The following NRIP3 variants were observed in gnomAD, a reference collection of about 807,000 sequenced individuals.
NRIP3 encodes the protein nuclear receptor-interacting protein 3.
Under a neutral mutation model 29.0 loss-of-function variants are expected in NRIP3, and 31 were observed. The ratio of observed to expected loss-of-function variants is 1.07; its 90% CI spans 0.80 to 1.44. NRIP3 has a LOEUF of 1.44. Among genes scored for constraint, NRIP3 ranks in the 40% most tolerant of loss-of-function variants. The pLI is 0.00. For missense variants in NRIP3, 314 were observed against 297.9 expected, an observed-to-expected ratio of 1.05 and a Z score of -0.40; for synonymous variants, 131 against 118.3, an observed-to-expected ratio of 1.11 and a Z score of -0.70.
chr11:8,996,751 G>A (rs574273542), intron 1 of NRIP3, among the ~76,000 whole-genome samples: 9 of 152,296 alleles, frequency 5.9e-5, no homozygotes, highest in African/African-American at 2.2e-4. Context: ...GGGCCGTCCT[G>A]TCTTTCAAGA....
chr11:8,990,498 A>G (rs1854581409), intron 1 of NRIP3, among the ~76,000 whole-genome samples: 2 of 152,218 alleles, frequency 1.3e-5, no homozygotes, highest in East Asian at 1.9e-4. Context: ...TAAAATAAAA[A>G]GCAAAGGCCA....
In NRIP3 at chr11:8,982,576, T is replaced by C. The variant is rs778066686; in HGVS notation, c.*969A>G. ...TCAACGTCTGACAGTGACACTCTGA[T>C]TTACTTAAGCCTTCAATTCCATATC... On this transcript the variant is annotated 3_prime_UTR_variant, in exon 7 of 7. Coordinates refer to ENST00000309166, the MANE Select transcript of NRIP3 (RefSeq NM_020645.3). 8.1e-5 allele frequency: 13 copies of C among 160,848 alleles called. No individual in the cohort carries two copies. The highest frequency in any genetic ancestry group is 1.6e-4 in the Non-Finnish European group (12 of 74,138). The allele number at this position is 160,848 out of a possible 1,614,324, so 10.0% of individuals were successfully genotyped here. A position where few individuals can be genotyped will look rare whatever the true frequency, so the allele number is the denominator to read the frequency against.
intron 6 of NRIP3, 119 bp from the exon 7 acceptor site, chr11:8,983,679 C>T: frequency 1.0e-6 from 1 of 982,116 alleles, no homozygotes; most frequent in Non-Finnish European, 1.6e-6. Context: ...TGTGGCATCA[C>T]CATTGCTCAT....
chr11:8,984,181 T>TG, intron 4 of NRIP3, 57 bp from the exon 5 acceptor site: 3 of 1,186,486 alleles, frequency 2.5e-6, no homozygotes, highest in Non-Finnish European at 3.8e-6. Context: ...GCTTAGAAGT[T>TG]GGCCTAATCA....
At chr11:8,997,900 A>T (rs896944038) in intron 1 of NRIP3, among the ~76,000 whole-genome samples, 1 of 152,230 alleles carries the variant, frequency 6.6e-6, no homozygotes, top group Non-Finnish European at 1.5e-5. Context: ...ACTAGAAAAC[A>T]GAGGAAATGG....
chr11:8,996,895 AT>A (rs996586592), intron 1 of NRIP3, among the ~76,000 whole-genome samples: 4 of 152,006 alleles, frequency 2.6e-5, no homozygotes, highest in South Asian at 4.2e-4. Context: ...TACAAAAACA[AT>A]TTTTTTTAAT....
At position 8,983,094 on chromosome 11, in the gene NRIP3, C is replaced by CT. The variant is rs1234853390; in HGVS notation, c.*450dup. The CT allele has an allele frequency of 4.1e-5, 18 of 443,894 alleles. No individual in the cohort carries two copies. The highest frequency in any genetic ancestry group is 3.0e-4 in the African/African-American group (15 of 49,434). 27.5% of individuals were successfully genotyped at this position (443,894 alleles called of 1,614,324 possible). On this transcript the variant is annotated 3_prime_UTR_variant, in exon 7 of 7. Transcript: ENST00000309166. ...ATCAATGAATCAATTTGAAGAAACT[C>CT]TAATTCTAAGACATAGGTATCCTGG... is the stretch of plus-strand genomic sequence containing the variant.
chr11:9,004,114 C>T, upstream of NRIP3: 1 of 485,128 alleles, frequency 2.1e-6, no homozygotes, highest in Non-Finnish European at 3.3e-6. Context: ...GCGCGGCTCC[C>T]TCGCGTCCCG....
intron 1 of NRIP3, among the ~76,000 whole-genome samples, chr11:8,993,091 A>T (rs1173170416): frequency 6.6e-6 from 1 of 152,206 alleles, no homozygotes; most frequent in East Asian, 1.9e-4. Context: ...GAAAGAATCC[A>T]ATAGAGAGGC....
chr11:8,982,735 G>A lies in NRIP3; in HGVS notation c.*810C>T. ...GAGGGCCTAAATGTGACAGTTTGGG[G>A]CAAGGAACTTTTACTGGGCTTGGCA... is the stretch of plus-strand genomic sequence containing the variant. On this transcript the variant is annotated 3_prime_UTR_variant, in exon 7 of 7. Coordinates refer to ENST00000309166, the MANE Select transcript of NRIP3 (RefSeq NM_020645.3). 1 of 271,652 alleles carries A rather than the reference G, an allele frequency of 3.7e-6. No homozygotes were observed. The highest frequency in any genetic ancestry group is 7.2e-6 in the Non-Finnish European group (1 of 138,024). 16.8% of individuals were successfully genotyped at this position (271,652 alleles called of 1,614,324 possible).
At chr11:9,001,543 C>T (rs950870072) in intron 1 of NRIP3, among the ~76,000 whole-genome samples, 1 of 152,212 alleles carries the variant, frequency 6.6e-6, no homozygotes, top group African/African-American at 2.4e-5. Flanking sequence ...CGAGATTATA[C>T]TATAAACTAC....
chr11:8,988,077 C>G (rs1854544581), intron 2 of NRIP3, 41 bp downstream of exon 2: 1 of 1,601,454 alleles, frequency 6.2e-7, no homozygotes, highest in Non-Finnish European at 8.5e-7. Flanking sequence ...CCACATCCTA[C>G]TTTCCAGAAA....
intron 1 of NRIP3, among the ~76,000 whole-genome samples, chr11:8,989,065 A>G (rs1428511782): frequency 6.6e-6 from 1 of 152,220 alleles, no homozygotes; most frequent in Non-Finnish European, 1.5e-5. Flanking sequence ...ACTGACCAAG[A>G]AGCAGGGGAC....
At chr11:8,988,459 A>C (rs2568047) in intron 1 of NRIP3, among the ~76,000 whole-genome samples, 177 bp from the exon 2 acceptor site, 44,808 of 151,986 alleles carry the variant, frequency 0.29, 7,030 homozygotes, top group Middle Eastern at 0.45. Flanking sequence ...AGGTACCATA[A>C]ACCAATTTGC....
At chr11:8,984,199 GTT>G in intron 4 of NRIP3, 75 bp from the exon 5 acceptor site, 3 of 894,786 alleles carry the variant, frequency 3.4e-6, no homozygotes, top group Non-Finnish European at 5.6e-6. Context: ...TCACTATTAG[GTT>G]CCATCCATCC....
At chr11:8,997,598 T>C (rs995203867) in intron 1 of NRIP3, among the ~76,000 whole-genome samples, 2 of 151,520 alleles carry the variant, frequency 1.3e-5, no homozygotes, top group African/African-American at 4.8e-5. Context: ...AGTTCAAATA[T>C]TCTGCCTCCA....
intron 1 of NRIP3, among the ~76,000 whole-genome samples, chr11:8,992,219 G>A (rs538071534): frequency 3.3e-5 from 5 of 152,178 alleles, no homozygotes; most frequent in African/African-American, 1.2e-4. Flanking sequence ...ATAGACTAAA[G>A]TCTTCATGAG....
intron 5 of NRIP3, 35 bp downstream of exon 5, chr11:8,984,037 A>G (rs1355109515): frequency 1.2e-6 from 2 of 1,600,078 alleles, no homozygotes; most frequent in Non-Finnish European, 8.6e-7. Context: ...TGCCTCAGAG[A>G]GGAAGTATCA....
chr11:8,997,091 A>T (rs1036097401), intron 1 of NRIP3, among the ~76,000 whole-genome samples: 1 of 151,486 alleles, frequency 6.6e-6, no homozygotes, highest in Admixed American at 6.6e-5. Context: ...AAAAGAAAAA[A>T]GGAGGCCAGG....
Sources: gnomAD v4.1 joint callset for allele counts (sites outside exome capture counted in the v4.1 genomes callset) on GRCh38, gnomAD v4.1.1 for gene constraint, MANE v1.5 for transcripts, NCBI Gene and HGNC (gene_info 2026-07-23, HGNC 2026-07-21) for gene names.